Variants in FER observed in about 807,000 individuals in gnomAD.
FER encodes the protein FER tyrosine kinase.
FER carries 63 observed loss-of-function variants against 111.0 expected under a neutral mutation model. The ratio of observed to expected loss-of-function variants is 0.57; its 90% confidence interval spans 0.46 to 0.70. The LOEUF (loss-of-function observed/expected upper bound fraction) is 0.70. FER is among the 30% of genes least tolerant of loss of function. FER has a pLI of 0.00. For missense variants in FER, 914 were observed against 954.0 expected (o/e 0.96, Z 0.55); for synonymous variants, 327 against 313.9 (o/e 1.04, Z -0.44).
intron 5 of FER, among the ~76,000 whole-genome samples, chr5:108,840,736 G>C (rs911843795): frequency 1.3e-5 from 2 of 152,036 alleles, no homozygotes; most frequent in African/African-American, 4.8e-5. Flanking sequence ...ACTTTATGTT[G>C]CATCCTACCA....
intron 13 of FER, among the ~76,000 whole-genome samples, chr5:109,013,481 G>C (rs1766593639): frequency 2.0e-5 from 3 of 151,176 alleles, no homozygotes; most frequent in African/African-American, 7.3e-5. Context: ...GTCTATCATT[G>C]TTGGACATTT....
chr5:108,970,349 G>A (rs1231449788), intron 13 of FER, among the ~76,000 whole-genome samples: 1 of 151,984 alleles, frequency 6.6e-6, no homozygotes, highest in Non-Finnish European at 1.5e-5. Context: ...CCAAGTGGCT[G>A]GGACTACAGG....
chr5:108,862,971 G>T (rs1248402543), intron 5 of FER, among the ~76,000 whole-genome samples: 1 of 152,084 alleles, frequency 6.6e-6, no homozygotes, highest in Non-Finnish European at 1.5e-5. Flanking sequence ...CCAAAATATT[G>T]GTTCCTATAT....
intron 3 of FER, among the ~76,000 whole-genome samples, chr5:108,816,075 C>G (rs191886659): frequency 9.9e-5 from 15 of 151,950 alleles, no homozygotes; most frequent in African/African-American, 2.7e-4. Flanking sequence ...CACCGCCCCC[C>G]CAAACACACA....
At chr5:108,838,606 C>T (rs1760914560) in intron 5 of FER, among the ~76,000 whole-genome samples, 1 of 152,080 alleles carries the variant, frequency 6.6e-6, no homozygotes. Flanking sequence ...CCCCTGACCC[C>T]TGCTGTATAA....
intron 3 of FER, among the ~76,000 whole-genome samples, chr5:108,813,113 A>G (rs751757756): frequency 6.6e-6 from 1 of 151,418 alleles, no homozygotes; most frequent in Non-Finnish European, 1.5e-5. Flanking sequence ...ATTGAAAAAA[A>G]TTTTTTTTTA....
intron 17 of FER, among the ~76,000 whole-genome samples, chr5:109,112,447 G>T (rs1446819401): frequency 6.6e-6 from 1 of 152,138 alleles, no homozygotes; most frequent in African/African-American, 2.4e-5. Flanking sequence ...TAATGTAGCT[G>T]AAGTAAAACT....
chr5:108,951,188 C>T (rs1757690941), intron 11 of FER, among the ~76,000 whole-genome samples: 1 of 152,044 alleles, frequency 6.6e-6, no homozygotes, highest in African/African-American at 2.4e-5. Context: ...CACTTGGACC[C>T]AGGAGGCAGA....
chr5:108,836,610 CTTTCTCTACAT>C (rs1271321900), intron 5 of FER, among the ~76,000 whole-genome samples: 2 of 152,080 alleles, frequency 1.3e-5, no homozygotes, highest in Non-Finnish European at 2.9e-5. Flanking sequence ...TTAAATTCAT[CTTTCTCTACAT>C]TTTCTCTTTA....
At chr5:109,005,196 T>G (rs980227103) in intron 13 of FER, among the ~76,000 whole-genome samples, 2 of 152,124 alleles carry the variant, frequency 1.3e-5, no homozygotes, top group Non-Finnish European at 2.9e-5. Flanking sequence ...CAGACCTCTT[T>G]TCTTCCACCT....
chr5:108,895,358 A>G (rs1478573183), intron 9 of FER, among the ~76,000 whole-genome samples: 1 of 152,204 alleles, frequency 6.6e-6, no homozygotes, highest in Admixed American at 6.5e-5. Context: ...AGCTTAAAAC[A>G]ACACAGATTT....
rs527465192 is a variant in FER at position 108,900,914 on chromosome 5, G to A, written c.1236+3066G>A. The stretch of plus-strand genomic sequence containing the variant: ...TAAAGCTCATTGTTACAGTTTAAAC[G>A]TTTGCTCTCTCCAAAACTCATGTGG... On this transcript the variant is annotated intron_variant, in intron 10 of 19. Transcript: ENST00000281092. Among the ~76,000 whole-genome samples the A allele has an allele frequency of 6.6e-5, 10 of 152,260 alleles. No homozygotes were observed. The South Asian group carries it at 1.2e-3, about 19-fold the overall frequency.
chr5:109,111,357 A>G (rs532256368), intron 17 of FER, among the ~76,000 whole-genome samples: 111 of 152,244 alleles, frequency 7.3e-4, no homozygotes, highest in Non-Finnish European at 1.1e-3. Flanking sequence ...GAAAGAGAAG[A>G]TGTCATTTAT....
chr5:109,058,712 C>CTT (rs1773962895), intron 16 of FER, among the ~76,000 whole-genome samples: 1 of 85,990 alleles, frequency 1.2e-5, no homozygotes, highest in African/African-American at 4.7e-5. Flanking sequence ...TTTTCTTTTT[C>CTT]TTTCTTTCTT....
At chr5:108,866,684 A>G (rs1404432163) in intron 5 of FER, among the ~76,000 whole-genome samples, 2 of 152,126 alleles carry the variant, frequency 1.3e-5, no homozygotes, top group Non-Finnish European at 2.9e-5. Flanking sequence ...ATTTATTTAC[A>G]TTAAAAAAAA....
chr5:108,781,665 T>C (rs1469493422), intron 2 of FER, among the ~76,000 whole-genome samples: 1 of 152,224 alleles, frequency 6.6e-6, no homozygotes, highest in African/African-American at 2.4e-5. Flanking sequence ...TTAATGAGTC[T>C]CTGTGTCTCT....
intron 16 of FER, among the ~76,000 whole-genome samples, chr5:109,082,701 A>G (rs946442220): frequency 2.0e-5 from 3 of 151,942 alleles, no homozygotes; most frequent in African/African-American, 7.3e-5. Context: ...ACTTGTAATC[A>G]GATACTACCA....
chr5:108,841,457 A>G (rs1761258698), intron 5 of FER, among the ~76,000 whole-genome samples: 1 of 152,202 alleles, frequency 6.6e-6, no homozygotes. Flanking sequence ...TTTAACTTGT[A>G]TATATTAGGA....
At chr5:108,888,024 A>G (rs186672221) in intron 9 of FER, among the ~76,000 whole-genome samples, 3 of 151,948 alleles carry the variant, frequency 2.0e-5, no homozygotes, top group Admixed American at 2.0e-4. Context: ...AGAGCCATGC[A>G]GAATCTTAAG....
Sources: gnomAD v4.1 joint callset for allele counts (sites outside exome capture counted in the v4.1 genomes callset) on GRCh38, gnomAD v4.1.1 for gene constraint, MANE v1.5 for transcripts, NCBI Gene and HGNC (gene_info 2026-07-23, HGNC 2026-07-21) for gene names.